ATG10: variants seen among roughly 807,000 people sequenced by gnomAD.
ATG10 encodes the protein ubiquitin-like-conjugating enzyme ATG10.
In ATG10, 30 loss-of-function variants were observed where a neutral mutation model predicts 32.1. The ratio of observed to expected loss-of-function variants is 0.94; its 90% CI spans 0.70 to 1.27. ATG10 has a LOEUF of 1.27. Among genes scored for constraint, ATG10 ranks in the 50% most tolerant of loss-of-function variants. The pLI is 0.00. For missense variants in ATG10, 233 were observed against 262.3 expected (o/e 0.89, Z 0.77); for synonymous variants, 87 against 91.5 (o/e 0.95, Z 0.28).
At chr5:82,048,729 G>A (rs971226036) in intron 2 of ATG10, among the ~76,000 whole-genome samples, 1 of 151,998 alleles carries the variant, frequency 6.6e-6, no homozygotes, top group African/African-American at 2.4e-5. Flanking sequence ...CCATCAAAAA[G>A]TGGGCGAAGG....
In ATG10 at chr5:82,058,579, G is replaced by A; in HGVS notation, c.193G>A (p.Gly65Arg). 4 of 1,611,524 alleles carry A rather than the reference G, an allele frequency of 2.5e-6. No individual in the cohort carries two copies. In the South Asian group the frequency reaches 3.3e-5, roughly 13 times the overall value. Residue 65 changes from glycine (G) to arginine (R), a missense_variant, in exon 3 of 8, where the codon GGA (glycine) becomes AGA (arginine). Coordinates refer to ENST00000282185, the MANE Select transcript of ATG10 (RefSeq NM_031482.5). ...GTCACATCTAGGAGCATCTACCCATGGACAGACATGTCTTCCCATGGAGGT... is the reference window on the plus strand; with the variant it reads ...GTCACATCTAGGAGCATCTACCCATAGACAGACATGTCTTCCCATGGAGGT... The part of the protein sequence containing the change: ...VMSHLGASTH[G>R]QTCLPMEEAF...
intron 3 of ATG10, among the ~76,000 whole-genome samples, chr5:82,162,757 C>T (rs914531761): frequency 6.9e-6 from 1 of 144,960 alleles, no homozygotes; most frequent in Admixed American, 7.4e-5. Context: ...AGTGACTTGG[C>T]AGCACGTGGC....
intron 5 of ATG10, among the ~76,000 whole-genome samples, chr5:82,222,611 G>A (rs1273639358): frequency 6.6e-5 from 10 of 152,132 alleles, no homozygotes; most frequent in Admixed American, 5.2e-4. Context: ...TATTTAAATA[G>A]AGAAAGATTC....
intron 2 of ATG10, among the ~76,000 whole-genome samples, chr5:82,057,469 C>A (rs1339753701): frequency 6.6e-6 from 1 of 152,146 alleles, no homozygotes; most frequent in Non-Finnish European, 1.5e-5. Flanking sequence ...CCTAGATGCA[C>A]CGCTCCAGTC....
intron 3 of ATG10, among the ~76,000 whole-genome samples, chr5:82,072,504 G>A (rs1764159806): frequency 1.3e-5 from 2 of 152,072 alleles, no homozygotes; most frequent in South Asian, 2.1e-4. Flanking sequence ...CATACTGGAA[G>A]GTGTATTATA....
intron 3 of ATG10, among the ~76,000 whole-genome samples, chr5:82,156,972 GTTTCCTA>G (rs1329333794): frequency 1.4e-4 from 22 of 152,150 alleles, no homozygotes; most frequent in African/African-American, 4.8e-4. Flanking sequence ...CTGTCTTGCT[GTTTCCTA>G]TGCAGTCTTA....
rs192088324 is a variant in ATG10, at chr5:82,059,231, G to A, written c.216+629G>A. On this transcript the variant is annotated intron_variant, in intron 3 of 7. Transcript: ENST00000282185. The stretch of plus-strand genomic sequence containing the variant: ...TTTTCTTTTTATCGAAATGCAAATA[G>A]CCTTATTGTATTTCTTGTGAAAAAA... 2.0e-4 allele frequency among the ~76,000 whole-genome samples: 31 copies of A among 152,020 alleles called. 1 individual carries two copies. The highest frequency in any genetic ancestry group is 1.3e-3 in the Admixed American group (20 of 15,262).
chr5:82,075,776 A>G (rs1764256616), intron 3 of ATG10, among the ~76,000 whole-genome samples: 1 of 152,124 alleles, frequency 6.6e-6, no homozygotes, highest in South Asian at 2.1e-4. Context: ...TCTCACTAAA[A>G]ATACAAAAAT....
chr5:82,102,204 T>A (rs1561299367), intron 3 of ATG10, among the ~76,000 whole-genome samples: 1 of 152,320 alleles, frequency 6.6e-6, no homozygotes, highest in East Asian at 1.9e-4. Context: ...AGTCTTACTT[T>A]GTGGTAGATT....
intron 1 of ATG10, chr5:81,976,263 C>CGG (rs1581555598): frequency 6.6e-6 from 1 of 152,616 alleles, no homozygotes; most frequent in East Asian, 1.9e-4. Context: ...CCCGCCTCGG[C>CGG]CTCCCAAAGT....
intron 3 of ATG10, among the ~76,000 whole-genome samples, chr5:82,163,780 T>C (rs1743461950): frequency 6.6e-6 from 1 of 152,174 alleles, no homozygotes; most frequent in Admixed American, 6.5e-5. Flanking sequence ...CTGTTCAAGT[T>C]GACATTAATA....
chr5:82,086,351 A>G (rs1764690932), intron 3 of ATG10, among the ~76,000 whole-genome samples: 1 of 152,228 alleles, frequency 6.6e-6, no homozygotes, highest in East Asian at 1.9e-4. Context: ...TAAAATTACA[A>G]TAAAATTAAC....
chr5:82,009,601 C>G, intron 2 of ATG10: 1 of 1,584,980 alleles, frequency 6.3e-7, no homozygotes, highest in Non-Finnish European at 8.6e-7. Context: ...CAAACTTATT[C>G]GAGTTGTCCA....
At chr5:82,246,521 T>TAA (rs59365825) in intron 5 of ATG10, among the ~76,000 whole-genome samples, 2 of 141,436 alleles carry the variant, frequency 1.4e-5, no homozygotes, top group Non-Finnish European at 3.1e-5. Flanking sequence ...CTTTATCTCT[T>TAA]AAAAAAAAAA....
chr5:82,096,232 C>T (rs868046755), intron 3 of ATG10, among the ~76,000 whole-genome samples: 4 of 152,214 alleles, frequency 2.6e-5, no homozygotes, highest in South Asian at 4.1e-4. Context: ...TGCACTCACA[C>T]ATCTATTTCT....
intron 3 of ATG10, among the ~76,000 whole-genome samples, chr5:82,068,164 G>A (rs934552576): frequency 2.0e-5 from 3 of 152,038 alleles, no homozygotes; most frequent in African/African-American, 7.2e-5. Flanking sequence ...GCCCATCAAC[G>A]ATAGACTGGA....
intron 3 of ATG10, among the ~76,000 whole-genome samples, chr5:82,151,618 C>A (rs1366322260): frequency 7.0e-6 from 1 of 143,430 alleles, no homozygotes; most frequent in African/African-American, 2.6e-5. Context: ...TGCAAAGAAT[C>A]CCTGGAACAA....
chr5:82,041,628 G>A (rs1763084722), intron 2 of ATG10, among the ~76,000 whole-genome samples: 1 of 152,126 alleles, frequency 6.6e-6, no homozygotes. Flanking sequence ...TTATTTTTAT[G>A]AATACTTATT....
intron 3 of ATG10, among the ~76,000 whole-genome samples, chr5:82,083,201 A>G (rs1764545687): frequency 6.6e-6 from 1 of 152,202 alleles, no homozygotes; most frequent in Non-Finnish European, 1.5e-5. Context: ...CCTGGCTCGT[A>G]GAATCCCACC....
Sources: allele counts gnomAD v4.1 joint callset (sites outside exome capture counted in the v4.1 genomes callset), GRCh38; gene constraint gnomAD v4.1.1; transcripts MANE v1.5; gene names NCBI Gene and HGNC (gene_info 2026-07-23, HGNC 2026-07-21).